The following DPP8 variants were observed in gnomAD, a reference collection of about 807,000 sequenced individuals.
DPP8 encodes dipeptidyl peptidase 8.
A neutral mutation model predicts 107.5 loss-of-function variants in DPP8; 31 were observed. The observed-to-expected ratio is 0.29, with a 90% CI of 0.22 to 0.39. The LOEUF is 0.39. Ranked by LOEUF, DPP8 falls within the 10% of genes least tolerant of loss-of-function variation. The pLI, the probability that DPP8 is intolerant of heterozygous loss-of-function variation, is 1.00. For missense variants in DPP8, 842 were observed against 1,076.1 expected (o/e 0.78, Z 3.04); for synonymous variants, 381 against 356.6 (o/e 1.07, Z -0.77).
At chr15:65,465,631 C>T (rs2065280417) in intron 14 of DPP8, among the ~76,000 whole-genome samples, 1 of 150,210 alleles carries the variant, frequency 6.7e-6, no homozygotes, top group Admixed American at 6.6e-5. Flanking sequence ...TCTTGGCTCA[C>T]TGCAACCTCC....
intron 10 of DPP8, 54 bp downstream of exon 10, chr15:65,480,168 T>A (rs1436482383): frequency 2.6e-6 from 4 of 1,517,518 alleles, no homozygotes; most frequent in Non-Finnish European, 2.7e-6. Flanking sequence ...TATAACTTCA[T>A]TTGCTTTAGC....
intron 2 of DPP8, among the ~76,000 whole-genome samples, chr15:65,511,491 AC>A (rs2070762078): frequency 6.6e-6 from 1 of 151,900 alleles, no homozygotes; most frequent in African/African-American, 2.4e-5. Flanking sequence ...TAAAAAAAAA[AC>A]AAAACAACAA....
chr15:65,512,274 A>G (rs756562861), intron 2 of DPP8, 21 bp downstream of exon 2: 2 of 1,580,792 alleles, frequency 1.3e-6, no homozygotes, highest in South Asian at 1.1e-5. Flanking sequence ...TTTCTCTCAG[A>G]AACTACAACT....
chr15:65,455,157 T>A (rs145980706), intron 16 of DPP8, among the ~76,000 whole-genome samples: 1 of 152,270 alleles, frequency 6.6e-6, no homozygotes, highest in African/African-American at 2.4e-5. Flanking sequence ...TTTGGAGACA[T>A]GGTCTCACTC....
At chr15:65,466,607 A>AT (rs2065375996) in intron 14 of DPP8, 71 bp downstream of exon 14, 1 of 1,384,168 alleles carries the variant, frequency 7.2e-7, no homozygotes. Flanking sequence ...AAATGTGAAA[A>AT]TATGACACAC....
At chr15:65,515,354 C>G (rs2071321635) in intron 1 of DPP8, among the ~76,000 whole-genome samples, 1 of 152,188 alleles carries the variant, frequency 6.6e-6, no homozygotes, top group African/African-American at 2.4e-5. Context: ...CACATGCATA[C>G]TTGCGTGTAC....
intron 16 of DPP8, chr15:65,455,886 T>C: frequency 3.2e-6 from 4 of 1,263,414 alleles, no homozygotes; most frequent in Non-Finnish European, 4.2e-6. Flanking sequence ...ACTAACCAGT[T>C]GGATTCCCTC....
intron 12 of DPP8, among the ~76,000 whole-genome samples, chr15:65,470,376 T>G (rs1257408492): frequency 6.7e-6 from 1 of 149,408 alleles, no homozygotes; most frequent in African/African-American, 2.5e-5. Flanking sequence ...GAGGCTGAGG[T>G]GGGCAGATCA....
Position 65,487,811 on chromosome 15 carries a change from A to G in DPP8, c.834T>C (p.Ser278=), listed in dbSNP as rs1298649464. The change falls in exon 7 of 20, where the codon AGT becomes AGC. Residue 278 remains serine, a synonymous_variant. Coordinates refer to ENST00000300141, the MANE Select transcript of DPP8 (RefSeq NM_130434.5). ...ATAGAATTCTAAGAATTTTACCACC[A>G]CTGGGAGCTTAAAAGAAATTTAAAT... is the stretch of plus-strand genomic sequence containing the variant. ...WWCPKAETTP[S]GGKILRILYE... is the part of the protein sequence containing the mutation. The G allele has an allele frequency of 6.5e-7, 1 of 1,547,000 alleles. No individual in the cohort carries two copies. The highest frequency in any genetic ancestry group is 8.8e-7 in the Non-Finnish European group (1 of 1,130,630).
Position 65,498,099 on chromosome 15 carries a change from T to A in DPP8, c.547-67A>T, listed in dbSNP as rs1257499324. On this transcript the variant is annotated intron_variant, in intron 4 of 19. Transcript: ENST00000300141. ...CACATACATGTTCCAGCACCCTTCC[T>A]ATAAGATGAACAATATTTCTAGGTA... 1.0e-5 allele frequency: 12 copies of A among 1,186,842 alleles called. No individual in the cohort carries two copies. The East Asian group carries it at 2.6e-4, about 26-fold the overall frequency. 73.5% of individuals were successfully genotyped at this position (1,186,842 alleles called of 1,614,324 possible).
intron 5 of DPP8, among the ~76,000 whole-genome samples, chr15:65,492,373 A>G (rs2068125081): frequency 6.6e-6 from 1 of 152,084 alleles, no homozygotes; most frequent in East Asian, 1.9e-4. Flanking sequence ...TTTTGAGAAC[A>G]TGTGTTTTTA....
chr15:65,473,791 C>T (rs978080570), intron 12 of DPP8, among the ~76,000 whole-genome samples: 2 of 151,978 alleles, frequency 1.3e-5, no homozygotes, highest in Admixed American at 6.6e-5. Flanking sequence ...AATTTTAGGC[C>T]GTAACTTAAT....
chr15:65,452,994 T>A (rs1197194038), intron 17 of DPP8, among the ~76,000 whole-genome samples: 1 of 152,022 alleles, frequency 6.6e-6, no homozygotes, highest in Non-Finnish European at 1.5e-5. Flanking sequence ...AATAAAATTT[T>A]AAAAAATTAC....
At chr15:65,461,656 G>A (rs2064936239) in intron 15 of DPP8, among the ~76,000 whole-genome samples, 1 of 151,118 alleles carries the variant, frequency 6.6e-6, no homozygotes, top group Non-Finnish European at 1.5e-5. Flanking sequence ...AGGCCGGAGT[G>A]CAGTGGTACG....
At chr15:65,508,830 C>A (rs2070397222) in intron 2 of DPP8, among the ~76,000 whole-genome samples, 1 of 150,952 alleles carries the variant, frequency 6.6e-6, no homozygotes, top group African/African-American at 2.4e-5. Flanking sequence ...CCAGCCTGGG[C>A]AACAGGGGCA....
chr15:65,481,277 C>A (rs756467434), intron 9 of DPP8, among the ~76,000 whole-genome samples: 5 of 152,196 alleles, frequency 3.3e-5, no homozygotes, highest in Non-Finnish European at 5.9e-5. Context: ...ACAAATAACA[C>A]TGTGAACCAT....
At chr15:65,465,481 C>T (rs998250638) in intron 14 of DPP8, among the ~76,000 whole-genome samples, 3 of 150,106 alleles carry the variant, frequency 2.0e-5, no homozygotes, top group African/African-American at 7.3e-5. Context: ...TTTCTTAACC[C>T]CTTAGCAGAA....
intron 3 of DPP8, among the ~76,000 whole-genome samples, chr15:65,503,082 A>G (rs146418642): frequency 4.3e-4 from 66 of 152,304 alleles, no homozygotes; most frequent in African/African-American, 1.4e-3. Flanking sequence ...CAGAATACCC[A>G]AAACAATCTT....
rs2063389748 is a variant in DPP8 at position 65,443,856 on chromosome 15, G to A, written c.*3028C>T. 2 of 152,158 alleles carry A rather than the reference G, an allele frequency of 1.3e-5. No homozygotes were observed. The highest frequency in any genetic ancestry group is 1.3e-4 in the Admixed American group (2 of 15,272). 9.4% of individuals were successfully genotyped at this position (152,158 alleles called of 1,614,324 possible). A position where few individuals can be genotyped will look rare whatever the true frequency, so the allele number is the denominator to read the frequency against. The stretch of plus-strand genomic sequence containing the variant: ...CAGATGACTTACTATAGGATCGCCT[G>A]GAAAGCTTGTTAGAAATGCACATTC... On this transcript the variant is annotated 3_prime_UTR_variant, in exon 20 of 20. Transcript: ENST00000300141.
Sources: gnomAD v4.1 joint callset for allele counts (sites outside exome capture counted in the v4.1 genomes callset) on GRCh38, gnomAD v4.1.1 for gene constraint, MANE v1.5 for transcripts, NCBI Gene and HGNC (gene_info 2026-07-23, HGNC 2026-07-21) for gene names.